Variants in ZFHX3 observed in about 807,000 individuals in gnomAD.
The protein encoded by ZFHX3 is zinc finger homeobox 3.
ZFHX3 carries 42 observed loss-of-function variants against 279.1 expected under a neutral mutation model. That is an observed-to-expected ratio of 0.15 (90% CI 0.12 to 0.19). The LOEUF (loss-of-function observed/expected upper bound fraction) is 0.19. ZFHX3 is among the 10% of genes least tolerant of loss of function. ZFHX3 has a pLI of 1.00. For synonymous variants in ZFHX3, 2,293 were observed against 1,957.8 expected (o/e 1.17, Z -4.52); for missense variants, 4,981 against 4,754.0 (o/e 1.05, Z -1.40).
rs189688322 is a variant in ZFHX3 at position 73,006,716 on chromosome 16, G to A, written c.-50+41036C>T. On this transcript the variant is annotated intron_variant, in intron 1 of 9. Transcript: ENST00000268489. ...AGGAAAGGAAGGAAGGTGATCAAAT[G>A]TATCTCTCACACACATACACACAGA... Among the ~76,000 whole-genome samples the A allele has an allele frequency of 1.0e-2, 1,511 of 151,638 alleles. 29 individuals are homozygous for A. Among genetic ancestry groups the A allele is most frequent in the African/African-American group, 0.035 (1,446 of 40,992 alleles).
chr16:73,546,496 CG>C (rs1212794759), intron 2 of ZFHX3, among the ~76,000 whole-genome samples: 12 of 10,982 alleles, frequency 1.1e-3, no homozygotes, highest in Non-Finnish European at 1.9e-3. Context: ...TTCTTTTTGG[CG>C]GGGGGCGGGG....
intron 1 of ZFHX3, among the ~76,000 whole-genome samples, chr16:73,715,368 C>T (rs1463013931): frequency 6.6e-6 from 1 of 152,092 alleles, no homozygotes; most frequent in Non-Finnish European, 1.5e-5. Flanking sequence ...ACCACACGGA[C>T]GTAGACTTGC....
At chr16:73,366,913 T>G (rs1367213813) in intron 3 of ZFHX3, among the ~76,000 whole-genome samples, 1 of 152,214 alleles carries the variant, frequency 6.6e-6, no homozygotes, top group African/African-American at 2.4e-5. Context: ...AGCTGAAAAG[T>G]ATTTTTGCCT....
At chr16:73,579,309 C>T (rs1042900212) in intron 2 of ZFHX3, among the ~76,000 whole-genome samples, 1 of 152,042 alleles carries the variant, frequency 6.6e-6, no homozygotes, top group African/African-American at 2.4e-5. Context: ...ATGTATAAAC[C>T]CAGACGGTAC....
intron 1 of ZFHX3, among the ~76,000 whole-genome samples, chr16:72,961,785 C>T (rs920201545): frequency 1.3e-5 from 2 of 152,188 alleles, no homozygotes; most frequent in Non-Finnish European, 1.5e-5. Flanking sequence ...CATGCAAACA[C>T]ATACCCCTAT....
chr16:73,719,347 G>C (rs1222969912), intron 1 of ZFHX3, among the ~76,000 whole-genome samples: 1 of 152,184 alleles, frequency 6.6e-6, no homozygotes, highest in Non-Finnish European at 1.5e-5. Context: ...CTCCCATTAT[G>C]TCAGGTGGCA....
At position 73,325,815 on chromosome 16, in the gene ZFHX3, A is replaced by C. The variant is rs1597285100; in HGVS notation, c.-1290-7479T>G. 2.0e-5 allele frequency among the ~76,000 whole-genome samples: 3 copies of C among 152,138 alleles called. No individual in the cohort carries two copies. The East Asian group carries it at 5.8e-4, about 29-fold the overall frequency. On this transcript the variant is annotated intron_variant, in intron 3 of 17. Transcript: ENST00000641206. The stretch of plus-strand genomic sequence containing the variant: ...TAATTTTCCTAGAAGGGAAAGGCAG[A>C]AGGGCATGCCAATTAGAAGGAGCAG...
intron 7 of ZFHX3, among the ~76,000 whole-genome samples, chr16:73,105,976 A>C (rs1005387267): frequency 4.4e-5 from 5 of 113,496 alleles, no homozygotes; most frequent in Non-Finnish European, 6.6e-5. Flanking sequence ...AGGCTCATGC[A>C]ATACCTGCCG....
intron 3 of ZFHX3, among the ~76,000 whole-genome samples, chr16:73,324,649 T>C (rs2015644877): frequency 6.6e-6 from 1 of 152,168 alleles, no homozygotes; most frequent in Non-Finnish European, 1.5e-5. Flanking sequence ...ACTTGCAACA[T>C]GACACACAGA....
chr16:72,948,451 A>G (rs760969697), intron 3 of ZFHX3, among the ~76,000 whole-genome samples: 1 of 151,922 alleles, frequency 6.6e-6, no homozygotes. Context: ...ATGCAAATAA[A>G]CCTCGTCTCT....
chr16:73,866,933 C>T (rs554409951), intron 1 of ZFHX3, among the ~76,000 whole-genome samples: 17 of 152,274 alleles, frequency 1.1e-4, no homozygotes, highest in African/African-American at 3.1e-4. Flanking sequence ...AGTTCTTATC[C>T]GCCAACTCCC....
Position 72,959,442 on chromosome 16 carries a change from T to G in ZFHX3, c.704A>C (p.Asp235Ala). The change falls in exon 2 of 10, where the codon GAC becomes GCC. Residue 235 changes from aspartate (D) to alanine (A), a missense_variant. Asp to Ala is a moderately radical substitution (Grantham distance 126). Transcript: ENST00000268489. ...SPVLHSFRVFDVRHKSNKDYL... is the reference protein window; with the variant it reads ...SPVLHSFRVFAVRHKSNKDYL... ...ATCCTTGTTGCTTTTGTGTCGCACG[T>G]CAAACACGCGGAAGCTGTGCAGGAC... The G allele has an allele frequency of 6.2e-7, 1 of 1,614,208 alleles. No homozygotes were observed. Among genetic ancestry groups the G allele is most frequent in the East Asian group, 2.2e-5 (1 of 44,876 alleles).
Position 72,959,896 on chromosome 16 carries a change from A to G in ZFHX3, c.250T>C (p.Cys84Arg). 6.2e-7 allele frequency: 1 copy of G among 1,603,664 alleles called. No individual in the cohort carries two copies. The change falls in exon 2 of 10, where the codon TGT (cysteine) becomes CGT (arginine). Residue 84 changes from cysteine (C) to arginine (R), a missense_variant. Around this residue, in one of 7 missense-constraint regions of ZFHX3, gnomAD observed 1,068 missense variants for 935.2 expected, o/e 1.14. Coordinates refer to ENST00000268489, the MANE Select transcript of ZFHX3 (RefSeq NM_006885.4). ...TGGAGGCTGGCAAAGGAGGCCGAACATTCGTTGCAGGTGACCTCCTTGCTG... is the reference window on the plus strand; with the variant it reads ...TGGAGGCTGGCAAAGGAGGCCGAACGTTCGTTGCAGGTGACCTCCTTGCTG... ...PASKEVTCNE[C>R]SASFASLQTY...
chr16:73,843,183 A>G (rs1961355965), intron 1 of ZFHX3, among the ~76,000 whole-genome samples: 1 of 152,252 alleles, frequency 6.6e-6, no homozygotes. Context: ...TTTAGACAAG[A>G]ACAAACAATT....
chr16:73,493,740 A>G (rs1459532743), intron 2 of ZFHX3, among the ~76,000 whole-genome samples: 1 of 152,106 alleles, frequency 6.6e-6, no homozygotes, highest in East Asian at 1.9e-4. Context: ...AGTGAACTCA[A>G]AAAAACCATT....
At chr16:73,782,403 G>A (rs1959501801) in intron 1 of ZFHX3, among the ~76,000 whole-genome samples, 1 of 152,162 alleles carries the variant, frequency 6.6e-6, no homozygotes, top group Admixed American at 6.5e-5. Flanking sequence ...TACATGCAAT[G>A]TTAAAGGGCC....
intron 3 of ZFHX3, among the ~76,000 whole-genome samples, chr16:73,356,713 C>A (rs993190539): frequency 2.0e-5 from 3 of 152,068 alleles, no homozygotes; most frequent in Non-Finnish European, 4.4e-5. Context: ...AGACTAATTA[C>A]CTGAAAGTAT....
At chr16:73,684,609 A>G (rs763787677) in intron 1 of ZFHX3, among the ~76,000 whole-genome samples, 2 of 152,050 alleles carry the variant, frequency 1.3e-5, no homozygotes, top group African/African-American at 2.4e-5. Flanking sequence ...AAGGTTGCAG[A>G]TGGAATTAAG....
At chr16:73,155,450 G>T (rs570149967) in intron 5 of ZFHX3, among the ~76,000 whole-genome samples, 204 of 152,244 alleles carry the variant, frequency 1.3e-3, no homozygotes, top group Admixed American at 2.8e-3. Flanking sequence ...AGCTTTCCAT[G>T]GAAGTGGAAC....
Sources: allele counts gnomAD v4.1 joint callset (sites outside exome capture counted in the v4.1 genomes callset), GRCh38; gene constraint gnomAD v4.1.1; regional missense constraint gnomAD v4.1.1; transcripts MANE v1.5; gene names NCBI Gene and HGNC (gene_info 2026-07-23, HGNC 2026-07-21).